The following PSMD13 variants were observed in gnomAD, a reference collection of about 807,000 sequenced individuals.
PSMD13 encodes 26S proteasome non-ATPase regulatory subunit 13.
Under a neutral mutation model 57.4 loss-of-function variants are expected in PSMD13, and 8 were observed. That is an observed-to-expected ratio of 0.14 (90% CI 0.08 to 0.25). The LOEUF (loss-of-function observed/expected upper bound fraction) is 0.25. Among genes scored for constraint, PSMD13 ranks in the 10% least tolerant of loss-of-function variants. PSMD13 has a pLI of 1.00. For synonymous variants in PSMD13, 193 were observed against 168.2 expected, an observed-to-expected ratio of 1.15 and a Z score of -1.14; for missense variants, 400 against 461.5, an observed-to-expected ratio of 0.87 and a Z score of 1.22.
Position 238,980 on chromosome 11 carries a change from G to T in PSMD13, c.96-18G>T. On this transcript the variant is annotated intron_variant, in intron 1 of 12. Transcript: ENST00000532097. The stretch of plus-strand genomic sequence containing the variant: ...CTGGATATTAGGTTAGAGGTCTTAA[G>T]GGCTGTATGTTTTTCAGGTTGTGGC... The T allele has an allele frequency of 6.2e-7, 1 of 1,612,144 alleles. No homozygotes were observed. Among genetic ancestry groups the T allele is most frequent in the Non-Finnish European group, 8.5e-7 (1 of 1,178,216 alleles).
rs192032843 is a variant in PSMD13 at position 239,123 on chromosome 11, G to T, written c.174+47G>T. ...ATTAGATTATATGAATGTGCTCAAG[G>T]ACTTTTGAAAATAAGATAGGCTTTA... On this transcript the variant is annotated intron_variant, in intron 2 of 12. Transcript: ENST00000532097. 209 of 1,503,024 alleles carry T rather than the reference G, an allele frequency of 1.4e-4. 1 individual carries two copies. In the African/African-American group the frequency reaches 2.8e-3, roughly 20 times the overall value. The allele number at this position is 1,503,024 out of a possible 1,614,324, so 93.1% of individuals were successfully genotyped here.
rs574503730 is a variant in PSMD13, at chr11:252,364, C to T, written c.1036-141C>T. 2.7e-6 allele frequency: 2 copies of T among 729,392 alleles called. No homozygotes were observed. Among genetic ancestry groups the T allele is most frequent in the Non-Finnish European group, 2.4e-6 (1 of 421,230 alleles). 45.2% of individuals were successfully genotyped at this position (729,392 alleles called of 1,614,324 possible). The stretch of plus-strand genomic sequence containing the variant: ...CCCGGCAAGTCCCGTCCCACTCCCC[C>T]AGCTCAGAGGTCCTTTTTACTAGAG... On this transcript the variant is annotated intron_variant, in intron 12 of 12. Coordinates refer to ENST00000532097, the MANE Select transcript of PSMD13 (RefSeq NM_002817.4). This position sits in a 1 kb window ranked among gnomAD's most constrained non-coding sequence, Gnocchi z 4.1.
At chr11:249,091 C>G in intron 9 of PSMD13, 34 bp downstream of exon 9, 2 of 1,605,842 alleles carry the variant, frequency 1.2e-6, no homozygotes, top group South Asian at 2.2e-5. Context: ...CCTTATTCCC[C>G]CATGTATCTA....
chr11:245,684 G>C (rs898358841), intron 6 of PSMD13, among the ~76,000 whole-genome samples: 10 of 91,686 alleles, frequency 1.1e-4, no homozygotes, highest in Non-Finnish European at 1.6e-4. Flanking sequence ...GTGTGTGTTT[G>C]CATGTGTGTT....
chr11:248,307 G>A, intron 7 of PSMD13: 1 of 160,766 alleles, frequency 6.2e-6, no homozygotes, highest in South Asian at 1.7e-4. Flanking sequence ...AAGGAGACCA[G>A]CAACTCTTAA....
In PSMD13 at chr11:244,114, TG is replaced by T; in HGVS notation, c.209+40del. The T allele has an allele frequency of 3.1e-6, 5 of 1,606,608 alleles. No homozygotes were observed. The South Asian group carries it at 5.5e-5, about 18-fold the overall frequency. On this transcript the variant is annotated intron_variant, in intron 3 of 12. Coordinates refer to ENST00000532097, the MANE Select transcript of PSMD13 (RefSeq NM_002817.4). Reference sequence around the variant, plus strand: ...ATCCGTTTTTCACTTTGAAAATGAGTGCATTGATGCTCGGCGGTGCTCAAAG... The same window carrying T: ...ATCCGTTTTTCACTTTGAAAATGAGTCATTGATGCTCGGCGGTGCTCAAAG...
chr11:240,426 A>G (rs533507102), intron 2 of PSMD13, among the ~76,000 whole-genome samples: 3 of 152,248 alleles, frequency 2.0e-5, no homozygotes, highest in Non-Finnish European at 4.4e-5. Context: ...ACCTGTCTTA[A>G]TACTTGTTCC....
intron 6 of PSMD13, among the ~76,000 whole-genome samples, chr11:245,501 C>G (rs1014751856): frequency 6.6e-6 from 1 of 152,186 alleles, no homozygotes; most frequent in South Asian, 2.1e-4. Context: ...TTCCTTCTGC[C>G]TCCTAAATGT....
intron 6 of PSMD13, 99 bp downstream of exon 6, chr11:244,860 A>C: frequency 3.1e-6 from 3 of 968,916 alleles, no homozygotes; most frequent in Non-Finnish European, 4.5e-6. Flanking sequence ...TTATTTTAAA[A>C]CATTTTTACA....
chr11:237,149 G>C lies in PSMD13; in HGVS notation c.95+5G>C. The C allele has an allele frequency of 6.2e-7, 1 of 1,609,398 alleles. No homozygotes were observed. The highest frequency in any genetic ancestry group is 8.5e-7 in the Non-Finnish European group (1 of 1,177,478). ...GGAGGAGCTCTACACGAAGAAGTGA[G>C]CGCCGAGCAGACGGGCCCTGGGCCC... On this transcript the variant is annotated splice_donor_5th_base_variant and intron_variant, in intron 1 of 12. Coordinates refer to ENST00000532097, the MANE Select transcript of PSMD13 (RefSeq NM_002817.4).
At chr11:241,662 T>C (rs773172353) in intron 2 of PSMD13, among the ~76,000 whole-genome samples, 1 of 152,156 alleles carries the variant, frequency 6.6e-6, no homozygotes, top group Non-Finnish European at 1.5e-5. Context: ...TCTCCTTCTC[T>C]GTGACCGGCC....
intron 6 of PSMD13, 139 bp downstream of exon 6, chr11:244,900 G>T: frequency 2.5e-5 from 13 of 523,244 alleles, no homozygotes; most frequent in Non-Finnish European, 2.9e-5. Flanking sequence ...ATAACACAAA[G>T]AACTACTATA....
chr11:237,388 A>T (rs1266064290), intron 1 of PSMD13, among the ~76,000 whole-genome samples: 1 of 152,240 alleles, frequency 6.6e-6, no homozygotes, highest in Non-Finnish European at 1.5e-5. Flanking sequence ...TTTCGGTCTG[A>T]GATTCACTGC....
chr11:247,394 T>C lies in PSMD13; in HGVS notation c.514T>C (p.Tyr172His). 6.3e-7 allele frequency: 1 copy of C among 1,591,194 alleles called. No individual in the cohort carries two copies. Among genetic ancestry groups the C allele is most frequent in the Non-Finnish European group, 8.6e-7 (1 of 1,165,500 alleles). The change falls in exon 7 of 13, where the codon TAC becomes CAC. Residue 172 changes from tyrosine to histidine, a missense_variant. Physicochemically the swap from Tyr to His is moderately conservative, Grantham distance 83 (BLOSUM62 2). Transcript: ENST00000532097. Reference protein sequence around the residue: ...YYQTIGNHASYYKDALRFLGC... With the variant: ...YYQTIGNHASHYKDALRFLGC... ...TCAAACAATCGGAAACCACGCGTCCTACTACAAAGATGCTCTGCGGTTTTT... is the reference window on the plus strand; with the variant it reads ...TCAAACAATCGGAAACCACGCGTCCCACTACAAAGATGCTCTGCGGTTTTT...
chr11:244,817 G>GA (rs141244868), intron 6 of PSMD13, 56 bp downstream of exon 6: 67 of 1,323,558 alleles, frequency 5.1e-5, no homozygotes, highest in Non-Finnish European at 5.9e-5. Flanking sequence ...AAAACCCTAG[G>GA]AAAAAAAATA....
Position 252,307 on chromosome 11 carries a change from G to T in PSMD13, c.1036-198G>T. 1.8e-6 allele frequency: 1 copy of T among 568,900 alleles called. No homozygotes were observed. The highest frequency in any genetic ancestry group is 3.0e-5 in the Admixed American group (1 of 32,932). The allele number at this position is 568,900 out of a possible 1,614,324, so 35.2% of individuals were successfully genotyped here. On this transcript the variant is annotated intron_variant, in intron 12 of 12. Transcript: ENST00000532097. The surrounding 1 kb of genome is among the most constrained non-coding windows in gnomAD (Gnocchi z 4.1). ...TCCTTGTCTGCTTTCTTTCATGCAAGTTTTTTCTAACGTTCCTGTGAAAAG... is the reference window on the plus strand; with the variant it reads ...TCCTTGTCTGCTTTCTTTCATGCAATTTTTTTCTAACGTTCCTGTGAAAAG...
chr11:249,230 C>T (rs960343686), intron 9 of PSMD13, among the ~76,000 whole-genome samples, 173 bp downstream of exon 9: 2 of 152,150 alleles, frequency 1.3e-5, no homozygotes, highest in African/African-American at 4.8e-5. Flanking sequence ...TGGTTAGCTA[C>T]AGCATTACTC....
At chr11:237,824 C>T (rs770051451) in intron 1 of PSMD13, among the ~76,000 whole-genome samples, 8 of 152,160 alleles carry the variant, frequency 5.3e-5, no homozygotes, top group Non-Finnish European at 7.3e-5. Flanking sequence ...AAGCACTAAC[C>T]TCCTTTTAAT....
At chr11:246,848 G>A (rs898146437) in intron 6 of PSMD13, among the ~76,000 whole-genome samples, 9 of 152,190 alleles carry the variant, frequency 5.9e-5, no homozygotes, top group African/African-American at 2.2e-4. Context: ...TCAATTGCCT[G>A]TTAATGTCTT....
Sources: gnomAD v4.1 joint callset for allele counts (sites outside exome capture counted in the v4.1 genomes callset) on GRCh38, gnomAD v4.1.1 for gene constraint, Gnocchi (gnomAD v3.1) non-coding constraint, MANE v1.5 for transcripts, NCBI Gene and HGNC (gene_info 2026-07-23, HGNC 2026-07-21) for gene names.